Variants in XIRP2 observed in about 807,000 individuals in gnomAD.
XIRP2 encodes xin actin-binding repeat-containing protein 2.
XIRP2 carries 236 observed loss-of-function variants against 277.0 expected under a neutral mutation model. The ratio of observed to expected loss-of-function variants is 0.85; its 90% confidence interval spans 0.77 to 0.95. The LOEUF is 0.95. Among genes scored for constraint, XIRP2 ranks in the 40% least tolerant of loss-of-function variants. The pLI, the probability that XIRP2 is intolerant of heterozygous loss-of-function variation, is 0.00. For synonymous variants in XIRP2, 1,490 were observed against 1,416.5 expected, an observed-to-expected ratio of 1.05 and a Z score of -1.17; for missense variants, 4,640 against 4,157.5, an observed-to-expected ratio of 1.12 and a Z score of -3.19.
chr2:166,984,634 T>A (rs1261295562), intron 2 of XIRP2, among the ~76,000 whole-genome samples: 1 of 152,238 alleles, frequency 6.6e-6, no homozygotes, highest in African/African-American at 2.4e-5. Flanking sequence ...TTAGAAGTGC[T>A]GTATCTATAA....
At chr2:167,080,716 T>C (rs1331718606) in intron 2 of XIRP2, among the ~76,000 whole-genome samples, 1 of 152,230 alleles carries the variant, frequency 6.6e-6, no homozygotes, top group African/African-American at 2.4e-5. Flanking sequence ...TTTGGAGTAC[T>C]AGAATAAAAT....
chr2:166,953,724 G>A (rs535814801), intron 2 of XIRP2, among the ~76,000 whole-genome samples: 23 of 151,886 alleles, frequency 1.5e-4, no homozygotes, highest in Admixed American at 7.2e-4. Context: ...CTGGTGCACC[G>A]TCACTTCCTT....
At position 166,963,472 on chromosome 2, in the gene XIRP2, A is replaced by G. The variant is rs140508358; in HGVS notation, c.408+59582A>G. ...ATAGCAACAAGTGTTAATGAAGGCAATAAATGAAAGTGTAAATGAAGAATA... is the reference window on the plus strand; with the variant it reads ...ATAGCAACAAGTGTTAATGAAGGCAGTAAATGAAAGTGTAAATGAAGAATA... On this transcript the variant is annotated intron_variant, in intron 2 of 10. Coordinates refer to ENST00000409195, the MANE Select transcript of XIRP2 (RefSeq NM_152381.6). 4.6e-5 allele frequency among the ~76,000 whole-genome samples: 7 copies of G among 152,028 alleles called. No homozygotes were observed. In the East Asian group the frequency reaches 1.4e-3, roughly 30 times the overall value.
At chr2:166,941,543 G>A (rs185840643) in intron 2 of XIRP2, among the ~76,000 whole-genome samples, 15 of 152,302 alleles carry the variant, frequency 9.8e-5, no homozygotes, top group African/African-American at 3.6e-4. Flanking sequence ...CACTCACACT[G>A]GGAGCTGTAG....
At chr2:167,023,815 ATC>A (rs1395187340) in intron 2 of XIRP2, among the ~76,000 whole-genome samples, 1 of 152,014 alleles carries the variant, frequency 6.6e-6, no homozygotes, top group Non-Finnish European at 1.5e-5. Context: ...ATTGATCTAT[ATC>A]TCTGTTTTGG....
At chr2:167,169,061 A>G (rs1337917605) in intron 3 of XIRP2, among the ~76,000 whole-genome samples, 1 of 150,402 alleles carries the variant, frequency 6.6e-6, no homozygotes, top group Non-Finnish European at 1.5e-5. Flanking sequence ...GACATGATAT[A>G]CTAGGTAAAA....
At position 167,210,772 on chromosome 2, in the gene XIRP2, A is replaced by G; in HGVS notation, c.600A>G (p.Ala200=). Reference sequence around the variant, plus strand: ...CTAATAAGCCTGAGAGTGGATTTGCAGAAGACAGTGCTGCTCGGGGCGAGG... The same window carrying G: ...CTAATAAGCCTGAGAGTGGATTTGCGGAAGACAGTGCTGCTCGGGGCGAGG... ...AGPNKPESGF[A]EDSAARGEGV... Residue 200 remains alanine (A), a synonymous_variant, in exon 4 of 11, where the codon GCA becomes GCG. Coordinates refer to ENST00000409195, the MANE Select transcript of XIRP2 (RefSeq NM_152381.6). The G allele has an allele frequency of 1.2e-6, 2 of 1,614,236 alleles. No homozygotes were observed. Among genetic ancestry groups the G allele is most frequent in the South Asian group, 1.1e-5 (1 of 91,086 alleles).
At chr2:167,088,625 G>T (rs1217788490) in intron 2 of XIRP2, among the ~76,000 whole-genome samples, 1 of 151,990 alleles carries the variant, frequency 6.6e-6, no homozygotes, top group Non-Finnish European at 1.5e-5. Flanking sequence ...ACAATCACAG[G>T]GCCAATGGCT....
At chr2:167,033,773 C>T (rs989358025) in intron 2 of XIRP2, among the ~76,000 whole-genome samples, 1 of 152,056 alleles carries the variant, frequency 6.6e-6, no homozygotes, top group Non-Finnish European at 1.5e-5. Flanking sequence ...ATAGTATGCC[C>T]TGGGAAAATA....
rs755806149 is a variant in XIRP2 at position 167,258,568 on chromosome 2, T to G, written c.*751T>G. 1.9e-6 allele frequency: 3 copies of G among 1,612,824 alleles called. No homozygotes were observed. Among genetic ancestry groups the G allele is most frequent in the Admixed American group, 1.7e-5 (1 of 59,800 alleles). On this transcript the variant is annotated 3_prime_UTR_variant, in exon 11 of 11. Transcript: ENST00000409195. ...TGCAGAGTGCTGAAAAGGAGAAAAA[T>G]GAAAAAACTAACCAAACTAATGGTG...
chr2:166,986,372 A>C (rs1360418789), intron 2 of XIRP2, among the ~76,000 whole-genome samples: 2 of 152,200 alleles, frequency 1.3e-5, no homozygotes, highest in Non-Finnish European at 2.9e-5. Context: ...GATTTTTACA[A>C]AGTGTTTTGA....
chr2:167,232,729 T>C (rs1694795926), intron 5 of XIRP2, among the ~76,000 whole-genome samples: 1 of 151,948 alleles, frequency 6.6e-6, no homozygotes, highest in African/African-American at 2.4e-5. Flanking sequence ...AACAACCTTC[T>C]GAGATAGGCA....
intron 2 of XIRP2, among the ~76,000 whole-genome samples, chr2:166,955,637 G>A (rs558500275): frequency 7.2e-5 from 11 of 151,858 alleles, no homozygotes; most frequent in South Asian, 2.1e-4. Context: ...AATAGTTGCC[G>A]TTTTAAAATC....
chr2:167,028,391 G>C (rs1688234013), intron 2 of XIRP2, among the ~76,000 whole-genome samples: 1 of 152,004 alleles, frequency 6.6e-6, no homozygotes, highest in South Asian at 2.1e-4. Flanking sequence ...CAGAAACTAA[G>C]AGAAGAGAGC....
intron 4 of XIRP2, among the ~76,000 whole-genome samples, chr2:167,214,294 AGGG>A (rs1573964455): frequency 1.9e-4 from 19 of 100,968 alleles, no homozygotes; most frequent in South Asian, 7.5e-4. Flanking sequence ...GGAGGGAGGG[AGGG>A]AGGAAGGAAG....
intron 3 of XIRP2, among the ~76,000 whole-genome samples, chr2:167,152,888 G>A (rs1574301807): frequency 6.6e-6 from 1 of 152,082 alleles, no homozygotes; most frequent in Admixed American, 6.6e-5. Flanking sequence ...GGGTGGTTCT[G>A]TACCACAGGC....
At chr2:167,008,862 A>G (rs930741114) in intron 2 of XIRP2, among the ~76,000 whole-genome samples, 1 of 151,506 alleles carries the variant, frequency 6.6e-6, no homozygotes, top group Non-Finnish European at 1.5e-5. Context: ...GATACATTCA[A>G]CAAAGATGAG....
intron 2 of XIRP2, among the ~76,000 whole-genome samples, chr2:167,072,695 A>G (rs1574225994): frequency 6.6e-6 from 1 of 152,310 alleles, no homozygotes; most frequent in East Asian, 1.9e-4. Context: ...CTTGTACATG[A>G]ACCTGGCTAT....
intron 2 of XIRP2, among the ~76,000 whole-genome samples, chr2:167,028,866 T>G (rs1275820464): frequency 6.8e-6 from 1 of 147,016 alleles, no homozygotes; most frequent in African/African-American, 2.5e-5. Context: ...TTTTTAAAAG[T>G]GAAATAATTT....
Sources: gnomAD v4.1 joint callset for allele counts (sites outside exome capture counted in the v4.1 genomes callset) on GRCh38, gnomAD v4.1.1 for gene constraint, MANE v1.5 for transcripts, NCBI Gene and HGNC (gene_info 2026-07-23, HGNC 2026-07-21) for gene names.